CACNA1C: variants seen among roughly 807,000 people sequenced by gnomAD.
The protein encoded by CACNA1C is calcium voltage-gated channel subunit alpha1 C, also known as voltage-dependent L-type calcium channel subunit alpha-1C.
CACNA1C carries 30 observed loss-of-function variants against 229.0 expected under a neutral mutation model. The observed-to-expected ratio is 0.13, with a 90% CI of 0.10 to 0.18. The LOEUF (loss-of-function observed/expected upper bound fraction) is 0.18. Among genes scored for constraint, CACNA1C ranks in the 10% least tolerant of loss-of-function variants. The pLI is 1.00. For missense variants in CACNA1C, 1,658 were observed against 2,845.0 expected (o/e 0.58, Z 9.49); for synonymous variants, 1,114 against 1,132.5 (o/e 0.98, Z 0.33).
chr12:1,998,518 C>T (rs2041468366), intron 1 of CACNA1C, among the ~76,000 whole-genome samples: 1 of 152,192 alleles, frequency 6.6e-6, no homozygotes, highest in African/African-American at 2.4e-5. Context: ...AATCAATCAC[C>T]TACTTAGTGT....
At chr12:2,222,838 G>T (rs184576031) in intron 3 of CACNA1C, among the ~76,000 whole-genome samples, 32 of 152,322 alleles carry the variant, frequency 2.1e-4, no homozygotes, top group Admixed American at 2.1e-3. Flanking sequence ...CACACCCAGA[G>T]CCCCTTTGAT....
intron 1 of CACNA1C, among the ~76,000 whole-genome samples, chr12:2,093,323 G>A (rs971857404): frequency 3.9e-5 from 6 of 152,192 alleles, no homozygotes; most frequent in African/African-American, 1.4e-4. Flanking sequence ...GGAGCCCCTG[G>A]TAGGCCTGCA....
chr12:2,616,059 G>A (rs1411264583), intron 29 of CACNA1C, among the ~76,000 whole-genome samples: 1 of 152,158 alleles, frequency 6.6e-6, no homozygotes, highest in African/African-American at 2.4e-5. Context: ...CCCAAGAGGA[G>A]GACGCTGGAA....
chr12:2,550,004 C>G lies in CACNA1C; in HGVS notation c.1452C>G (p.Ile484Met). ...CCGAAAACGTGGCTGGAGGTGACAT[C>G]GAGGGAGAAAACTGCGGGGCCAGGC... ...VNTENVAGGD[I>M]EGENCGARLA... The change falls in exon 10 of 47, where the codon ATC becomes ATG. Residue 484 changes from isoleucine (I) to methionine (M), a missense_variant. By Grantham distance (10) the Ile-to-Met change is conservative. Transcript: ENST00000399655. 8 of 1,607,608 alleles carry G rather than the reference C, an allele frequency of 5.0e-6. No homozygotes were observed. Among genetic ancestry groups the G allele is most frequent in the Non-Finnish European group, 6.8e-6 (8 of 1,177,022 alleles).
intron 5 of CACNA1C, among the ~76,000 whole-genome samples, chr12:2,468,530 C>A (rs2099572470): frequency 6.6e-6 from 1 of 152,172 alleles, no homozygotes; most frequent in Non-Finnish European, 1.5e-5. Flanking sequence ...GGGATAACTC[C>A]CTCCAGGACT....
chr12:2,358,286 TGTGTGTG>T (rs1489944602), intron 3 of CACNA1C, among the ~76,000 whole-genome samples: 23 of 136,856 alleles, frequency 1.7e-4, no homozygotes, highest in African/African-American at 6.4e-4. Context: ...TGTGTGTGTG[TGTGTGTG>T]TGTGTGTGTG....
intron 29 of CACNA1C, 21 bp from the exon 30 acceptor site, chr12:2,634,276 C>T (rs1433995974): frequency 4.3e-6 from 6 of 1,382,540 alleles, no homozygotes; most frequent in Middle Eastern, 1.8e-4. Flanking sequence ...TCTCTCTCCC[C>T]GGCTGCTCTG....
chr12:1,982,426 T>C (rs2036417944), intron 1 of CACNA1C, among the ~76,000 whole-genome samples: 1 of 152,176 alleles, frequency 6.6e-6, no homozygotes. Flanking sequence ...TTTCTGTCTG[T>C]ATGAATTTGA....
intron 3 of CACNA1C, among the ~76,000 whole-genome samples, chr12:2,183,487 T>G (rs1362040136): frequency 6.6e-6 from 1 of 152,234 alleles, no homozygotes; most frequent in East Asian, 1.9e-4. Flanking sequence ...CAGAAATGTT[T>G]CCCCAGTGAT....
chr12:2,022,686 C>T (rs532265976), intron 1 of CACNA1C, among the ~76,000 whole-genome samples: 1 of 152,196 alleles, frequency 6.6e-6, no homozygotes, highest in Middle Eastern at 3.4e-3. Context: ...CTCAAATGAT[C>T]CTCCCGCCTC....
chr12:2,147,789 G>T (rs529456194), intron 3 of CACNA1C, among the ~76,000 whole-genome samples: 9 of 150,058 alleles, frequency 6.0e-5, no homozygotes, highest in African/African-American at 1.9e-4. Flanking sequence ...GGGGATTTTG[G>T]GGGGGCAAAT....
At chr12:2,001,192 C>T (rs1181285591) in intron 1 of CACNA1C, among the ~76,000 whole-genome samples, 2 of 152,108 alleles carry the variant, frequency 1.3e-5, no homozygotes, top group Non-Finnish European at 2.9e-5. Context: ...TTTCCTGGCC[C>T]CTCCATAGTT....
At chr12:1,996,641 AAAAAAAAAAAAAAAC>A (rs1396934482) in intron 1 of CACNA1C, among the ~76,000 whole-genome samples, 31 of 98,548 alleles carry the variant, frequency 3.1e-4, no homozygotes, top group African/African-American at 8.5e-4. Flanking sequence ...AAAAAAAAAA[AAAAAAAAAAAAAAAC>A]AACAAACTCT....
chr12:2,333,614 G>C (rs2096612736), intron 3 of CACNA1C, among the ~76,000 whole-genome samples: 1 of 152,182 alleles, frequency 6.6e-6, no homozygotes, highest in African/African-American at 2.4e-5. Flanking sequence ...GGGTGATTCT[G>C]ACCCCTTGTT....
chr12:2,664,751 G>A (rs2095980588), intron 34 of CACNA1C, 74 bp from the exon 35 acceptor site: 3 of 1,277,050 alleles, frequency 2.3e-6, no homozygotes, highest in South Asian at 3.0e-5. Flanking sequence ...AGGGACAGGT[G>A]GGGAGGGATG....
At chr12:2,332,101 A>T (rs1001352285) in intron 3 of CACNA1C, among the ~76,000 whole-genome samples, 1 of 152,216 alleles carries the variant, frequency 6.6e-6, no homozygotes, top group African/African-American at 2.4e-5. Flanking sequence ...TATAAAATAC[A>T]TGCTGAAGTA....
chr12:2,513,317 C>T (rs576959119), intron 9 of CACNA1C, among the ~76,000 whole-genome samples: 12 of 152,232 alleles, frequency 7.9e-5, no homozygotes, highest in Non-Finnish European at 1.6e-4. Context: ...ACAGGCTTCC[C>T]GTTTGAAAGC....
chr12:2,496,478 G>A (rs1477910654), intron 7 of CACNA1C, among the ~76,000 whole-genome samples: 3 of 152,196 alleles, frequency 2.0e-5, no homozygotes, highest in East Asian at 1.9e-4. Flanking sequence ...TCAAAGAAGC[G>A]ATTGGTCAGC....
chr12:2,628,178 C>T (rs545439023), intron 29 of CACNA1C, among the ~76,000 whole-genome samples: 4 of 152,262 alleles, frequency 2.6e-5, no homozygotes, highest in Admixed American at 6.5e-5. Flanking sequence ...GCGAAGGACT[C>T]GGAATTGAAG....
Sources: gnomAD v4.1 joint callset for allele counts (sites outside exome capture counted in the v4.1 genomes callset) on GRCh38, gnomAD v4.1.1 for gene constraint, MANE v1.5 for transcripts, NCBI Gene and HGNC (gene_info 2026-07-23, HGNC 2026-07-21) for gene names.